Variants in RRM2 observed in about 807,000 individuals in gnomAD.
The protein encoded by RRM2 is ribonucleotide reductase regulatory subunit M2.
In RRM2, 6 loss-of-function variants were observed where a neutral mutation model predicts 45.9. The observed-to-expected ratio is 0.13, with a 90% confidence interval of 0.07 to 0.26. The LOEUF (loss-of-function observed/expected upper bound fraction) is 0.26. RRM2 is among the 10% of genes least tolerant of loss of function. The pLI, the probability that RRM2 is intolerant of heterozygous loss-of-function variation, is 1.00. For synonymous variants in RRM2, 177 were observed against 173.0 expected, an observed-to-expected ratio of 1.02 and a Z score of -0.18; for missense variants, 343 against 489.5, an observed-to-expected ratio of 0.70 and a Z score of 2.82.
intron 5 of RRM2, 173 bp from the exon 6 acceptor site, chr2:10,126,702 G>A (rs1218012496): frequency 3.2e-6 from 2 of 624,850 alleles, no homozygotes; most frequent in South Asian, 2.0e-5. Flanking sequence ...AAGAACACTG[G>A]AGGGAAAAAC....
At chr2:10,178,223 C>CTT (rs34044826) in intron 3 of RRM2, among the ~76,000 whole-genome samples, 15 of 125,368 alleles carry the variant, frequency 1.2e-4, no homozygotes, top group African/African-American at 3.8e-4. Context: ...ACCGTGCAGG[C>CTT]TTTTTTTTTT....
intron 3 of RRM2, among the ~76,000 whole-genome samples, chr2:10,184,159 C>A (rs1350464838): frequency 1.3e-5 from 2 of 150,688 alleles, no homozygotes; most frequent in Non-Finnish European, 2.9e-5. Context: ...GCCCCGGCTC[C>A]ACTGCCTTTT....
At chr2:10,147,853 C>G (rs918938414) in intron 3 of RRM2, among the ~76,000 whole-genome samples, 14 of 152,046 alleles carry the variant, frequency 9.2e-5, no homozygotes, top group Non-Finnish European at 2.1e-4. Context: ...ATAAAGAAAT[C>G]AGAGACTTAG....
upstream of RRM2, among the ~76,000 whole-genome samples, chr2:10,136,961 T>G (rs536649634): frequency 1.3e-5 from 2 of 152,308 alleles, no homozygotes; most frequent in South Asian, 4.1e-4. Context: ...AAAGGAGAGC[T>G]GATCTACAGA....
At chr2:10,156,837 G>A (rs2125317077) in intron 3 of RRM2, among the ~76,000 whole-genome samples, 1 of 151,758 alleles carries the variant, frequency 6.6e-6, no homozygotes, top group East Asian at 2.0e-4. Context: ...ACAGGGTTTC[G>A]CTATGCTGCC....
rs1437178142 is a variant in RRM2, at chr2:10,187,683, T to C, written n.483-22628T>C. Among the ~76,000 whole-genome samples, 10 of 152,288 alleles carry C rather than the reference T, an allele frequency of 6.6e-5. No individual in the cohort carries two copies. In the East Asian group the frequency reaches 1.9e-3, roughly 29 times the overall value. On this transcript the variant is annotated intron_variant and non_coding_transcript_variant, in intron 3 of 3. Coordinates refer to the RRM2 transcript ENST00000381786. ...TTCCTTGTGTGTAAAACAGGGATTG[T>C]GGTGCCTACCTCTTGGGCTTGCCCT...
At chr2:10,168,656 C>T (rs1463051191) in intron 3 of RRM2, among the ~76,000 whole-genome samples, 1 of 151,672 alleles carries the variant, frequency 6.6e-6, no homozygotes, top group Non-Finnish European at 1.5e-5. Context: ...AAAAGATGTG[C>T]CGGCTCTGGC....
chr2:10,127,444 C>A lies in RRM2; in HGVS notation c.798+224C>A. On this transcript the variant is annotated intron_variant, in intron 7 of 9. Coordinates refer to ENST00000304567, the MANE Select transcript of RRM2 (RefSeq NM_001034.4). The surrounding 1 kb of genome is among the most constrained non-coding windows in gnomAD (Gnocchi z 4.1). The stretch of plus-strand genomic sequence containing the variant: ...GTAATACATTTGTACATATGTATTC[C>A]CCTATAGGCTTTGAATGCATAAAAC... 1 of 483,638 alleles carries A rather than the reference C, an allele frequency of 2.1e-6. No individual in the cohort carries two copies. Among genetic ancestry groups the A allele is most frequent in the South Asian group, 3.3e-5 (1 of 30,334 alleles). 30.0% of individuals were successfully genotyped at this position (483,638 alleles called of 1,614,324 possible). A position where few individuals can be genotyped will look rare whatever the true frequency, so the allele number is the denominator to read the frequency against.
At position 10,194,011 on chromosome 2, in the gene RRM2, C is replaced by A. The variant is rs111457788; in HGVS notation, n.483-16300C>A. 8.3e-4 allele frequency among the ~76,000 whole-genome samples: 126 copies of A among 152,314 alleles called. 1 individual carries two copies. The East Asian group carries it at 0.019, about 24-fold the overall frequency. Reference sequence around the variant, plus strand: ...CCTGTGAACCCTCTGTCCATTTCAACGCTTAATGCCAAACATAAACAAATG... The same window carrying A: ...CCTGTGAACCCTCTGTCCATTTCAAAGCTTAATGCCAAACATAAACAAATG... On this transcript the variant is annotated intron_variant and non_coding_transcript_variant, in intron 3 of 3. Transcript: ENST00000381786.
intron 3 of RRM2, among the ~76,000 whole-genome samples, chr2:10,187,200 C>T (rs1010704565): frequency 6.6e-6 from 1 of 152,196 alleles, no homozygotes; most frequent in Non-Finnish European, 1.5e-5. Context: ...CTGCTGGGGC[C>T]GCTCCTCTCT....
chr2:10,126,985 CCCCTA>C lies in RRM2; in HGVS notation c.664+18_664+22del, dbSNP rs1662793024. 6.2e-7 allele frequency: 1 copy of C among 1,612,800 alleles called. No individual in the cohort carries two copies. Among genetic ancestry groups the C allele is most frequent in the Admixed American group, 1.7e-5 (1 of 59,926 alleles). On this transcript the variant is annotated intron_variant, in intron 6 of 9. Transcript: ENST00000304567. The stretch of plus-strand genomic sequence containing the variant: ...GCTACCTATGGTAAGGAGACCCTTG[CCCCTA>C]CTTAAACCTGAGCTTCATTTTCCAA...
intron 3 of RRM2, among the ~76,000 whole-genome samples, chr2:10,206,159 T>C (rs570502756): frequency 4.2e-4 from 63 of 149,540 alleles, no homozygotes; most frequent in African/African-American, 1.5e-3. Context: ...GGCAGGAGAA[T>C]GGCGTGAATC....
exon 4 of RRM2, chr2:10,210,959 T>A (rs1664751620): frequency 4.8e-6 from 1 of 206,936 alleles, no homozygotes; most frequent in African/African-American, 2.3e-5. Flanking sequence ...GCTGTGAGAT[T>A]TCCAGCCCCC....
intron 3 of RRM2, among the ~76,000 whole-genome samples, chr2:10,166,479 G>A (rs1444167919): frequency 6.6e-6 from 1 of 152,236 alleles, no homozygotes; most frequent in African/African-American, 2.4e-5. Flanking sequence ...GGTGGGTCAG[G>A]GATACCGCGT....
At chr2:10,199,549 A>T (rs1664493057) in intron 3 of RRM2, among the ~76,000 whole-genome samples, 1 of 151,910 alleles carries the variant, frequency 6.6e-6, no homozygotes, top group Non-Finnish European at 1.5e-5. Flanking sequence ...TGGGAGGCCG[A>T]GGTGGGCGGA....
intron 3 of RRM2, among the ~76,000 whole-genome samples, chr2:10,158,994 A>T (rs1407113758): frequency 2.6e-5 from 4 of 152,212 alleles, no homozygotes; most frequent in African/African-American, 7.2e-5. Flanking sequence ...GGCCCAGATC[A>T]TCGGTCCTTT....
In RRM2 at chr2:10,205,493, G is replaced by C. The variant is rs372813947; in HGVS notation, n.483-4818G>C. Among the ~76,000 whole-genome samples the C allele has an allele frequency of 1.4e-4, 21 of 152,252 alleles. No individual in the cohort carries two copies. In the South Asian group the frequency reaches 4.4e-3, roughly 32 times the overall value. On this transcript the variant is annotated intron_variant and non_coding_transcript_variant, in intron 3 of 3. Coordinates refer to the RRM2 transcript ENST00000381786. The surrounding 1 kb of genome is among the most constrained non-coding windows in gnomAD (Gnocchi z 4.8). ...CTGCTGCTCGTGGACACTCGGAGGT[G>C]GGGGAAGGCTCTGTTCTTTTACTTT...
rs1664406473 is a variant in RRM2, at chr2:10,195,953, T to C, written n.483-14358T>C. On this transcript the variant is annotated intron_variant and non_coding_transcript_variant, in intron 3 of 3. Transcript: ENST00000381786. The surrounding 1 kb of genome is among the most constrained non-coding windows in gnomAD (Gnocchi z 4.9). Reference sequence around the variant, plus strand: ...GTGTTGAACACAGTCATGCTAGAAATGGTGCCTGGTGCAGCTGCAGCCGTC... The same window carrying C: ...GTGTTGAACACAGTCATGCTAGAAACGGTGCCTGGTGCAGCTGCAGCCGTC... Among the ~76,000 whole-genome samples, 1 of 152,204 alleles carries C rather than the reference T, an allele frequency of 6.6e-6. No individual in the cohort carries two copies. The highest frequency in any genetic ancestry group is 2.1e-4 in the South Asian group (1 of 4,834).
chr2:10,136,242 G>T (rs971758634), downstream of RRM2, among the ~76,000 whole-genome samples: 1 of 152,228 alleles, frequency 6.6e-6, no homozygotes, highest in African/African-American at 2.4e-5. Context: ...AAGGGCAGAG[G>T]GGTTGAGGCC....
Sources: allele counts gnomAD v4.1 joint callset (sites outside exome capture counted in the v4.1 genomes callset), GRCh38; gene constraint gnomAD v4.1.1; non-coding constraint Gnocchi (gnomAD v3.1); transcripts MANE v1.5; gene names NCBI Gene and HGNC (gene_info 2026-07-23, HGNC 2026-07-21).